The following ADGRG4 variants were observed in gnomAD, a reference collection of about 807,000 sequenced individuals.
The protein encoded by ADGRG4 is adhesion G protein-coupled receptor G4, also known as G protein-coupled receptor 112.
A neutral mutation model predicts 126.2 loss-of-function variants in ADGRG4; 122 were observed. The ratio of observed to expected loss-of-function variants is 0.97; its 90% CI spans 0.83 to 1.12. The LOEUF is 1.12. Ranked by LOEUF, ADGRG4 falls within the 50% of genes most tolerant of loss-of-function variation. The probability of loss-of-function intolerance (pLI) is 0.00; values close to 1 mark genes in which losing one functional copy is unlikely to be tolerated. For synonymous variants in ADGRG4, 943 were observed against 838.7 expected (o/e 1.12, Z -2.15); for missense variants, 2,481 against 2,251.8 (o/e 1.10, Z -2.06).
chrX:136,403,113 A>T (rs951083689), intron 21 of ADGRG4, 131 bp from the exon 22 acceptor site: 21 of 472,520 alleles, frequency 4.4e-5, no homozygotes, highest in Non-Finnish European at 7.8e-5. Context: ...TTTTGCAAAC[A>T]ATAGTATTTT....
At chrX:136,311,985 C>A (rs1326879008) in intron 4 of ADGRG4, among the ~76,000 whole-genome samples, 1 of 111,453 alleles carries the variant, frequency 9.0e-6, no homozygotes, top group Non-Finnish European at 1.9e-5. Context: ...GCATGTCCCA[C>A]CCTGCCTGGT....
chrX:136,332,502 G>T (rs1249097321), intron 5 of ADGRG4, among the ~76,000 whole-genome samples: 61 of 106,017 alleles, frequency 5.8e-4, no homozygotes, highest in African/African-American at 2.0e-3. Flanking sequence ...ATGATTTATA[G>T]TCCTTTGGGT....
intron 5 of ADGRG4, among the ~76,000 whole-genome samples, chrX:136,341,998 A>G (rs1185854489): frequency 4.5e-5 from 5 of 111,955 alleles, no homozygotes; most frequent in Non-Finnish European, 1.9e-5. Flanking sequence ...TCAATTGGAG[A>G]AAGATCATGA....
intron 16 of ADGRG4, among the ~76,000 whole-genome samples, chrX:136,388,842 A>G (rs921386142): frequency 2.7e-5 from 3 of 112,191 alleles, no homozygotes; most frequent in African/African-American, 9.7e-5. Flanking sequence ...AAGGCCACAT[A>G]CCTAAAAAGT....
chrX:136,313,009 A>G (rs1449795970), intron 4 of ADGRG4, among the ~76,000 whole-genome samples: 1 of 112,631 alleles, frequency 8.9e-6, no homozygotes, highest in East Asian at 2.8e-4. Context: ...TTATTGCTGA[A>G]CAATATTCAA....
chrX:136,317,592 A>G (rs1242840008), intron 4 of ADGRG4, among the ~76,000 whole-genome samples: 1 of 111,001 alleles, frequency 9.0e-6, no homozygotes, highest in Non-Finnish European at 1.9e-5. Flanking sequence ...GATACATTGA[A>G]TTTCATTAAA....
chrX:136,387,978 C>T, intron 16 of ADGRG4, 104 bp downstream of exon 16: 1 of 761,725 alleles, frequency 1.3e-6, no homozygotes, highest in Non-Finnish European at 1.9e-6. Flanking sequence ...TTAGAATATG[C>T]TGATTGATTC....
chrX:136,368,521 C>G (rs765127184), intron 13 of ADGRG4, among the ~76,000 whole-genome samples: 2 of 111,842 alleles, frequency 1.8e-5, no homozygotes, highest in African/African-American at 6.5e-5. Flanking sequence ...GAGCCAGACA[C>G]CATGCTGTAA....
Position 136,345,375 on chromosome X carries a change from T to C in ADGRG4, c.1669T>C (p.Phe557Leu). Residue 557 changes from phenylalanine to leucine, a missense_variant, in exon 6 of 26, where the codon TTT (phenylalanine) becomes CTT (leucine). Coordinates refer to ENST00000394143, the MANE Select transcript of ADGRG4 (RefSeq NM_153834.4). The part of the protein sequence containing the change: ...SMSKETSSKT[F>L]SFLTSFSFTG... ...GTCGAAAGAGACCTCCTCTAAGACC[T>C]TTTCTTTCTTAACATCCTTTTCATT... 8.3e-7 allele frequency: 1 copy of C among 1,210,107 alleles called. No homozygotes were observed. Among genetic ancestry groups the C allele is most frequent in the Non-Finnish European group, 1.1e-6 (1 of 894,336 alleles).
chrX:136,342,046 G>T (rs2074982055), intron 5 of ADGRG4, among the ~76,000 whole-genome samples: 1 of 111,701 alleles, frequency 9.0e-6, no homozygotes, highest in Non-Finnish European at 1.9e-5. Context: ...TTTTCACTTG[G>T]ATATTCACTA....
intron 25 of ADGRG4, among the ~76,000 whole-genome samples, chrX:136,415,507 A>G (rs1466335190): frequency 9.0e-6 from 1 of 111,527 alleles, no homozygotes; most frequent in Admixed American, 9.5e-5. Context: ...GGGCTGGTTG[A>G]CTAGTGTATA....
At chrX:136,363,867 C>T (rs947351073) in intron 13 of ADGRG4, among the ~76,000 whole-genome samples, 7 of 111,051 alleles carry the variant, frequency 6.3e-5, no homozygotes, top group Non-Finnish European at 1.1e-4. Context: ...TGGAGTGCAA[C>T]GGCGCAATCT....
intron 11 of ADGRG4, 21 bp from the exon 12 acceptor site, chrX:136,361,434 G>A (rs1324808982): frequency 6.4e-6 from 7 of 1,101,845 alleles, no homozygotes; most frequent in Non-Finnish European, 8.4e-6. Context: ...CCTTTAAAAT[G>A]TGCATACATT....
At chrX:136,342,539 G>T (rs1394592572) in intron 5 of ADGRG4, among the ~76,000 whole-genome samples, 3 of 111,529 alleles carry the variant, frequency 2.7e-5, no homozygotes, top group African/African-American at 9.8e-5. Flanking sequence ...AAAATAGATT[G>T]GTGTGAGCTA....
intron 5 of ADGRG4, among the ~76,000 whole-genome samples, chrX:136,333,451 A>T (rs189336613): frequency 1.8e-5 from 2 of 111,170 alleles, no homozygotes; most frequent in Non-Finnish European, 3.8e-5. Flanking sequence ...TGTTGGGTAT[A>T]TCTTTTGCAA....
In ADGRG4 at chrX:136,393,626, C is replaced by A. The variant is rs762319106; in HGVS notation, c.8080+46C>A. The A allele has an allele frequency of 1.8e-5, 18 of 1,021,445 alleles. No homozygotes were observed. The South Asian group carries it at 3.6e-4, about 20-fold the overall frequency. The allele number at this position is 1,021,445 out of a possible 1,213,427, so 84.2% of individuals were successfully genotyped here. A position where few individuals can be genotyped will look rare whatever the true frequency, so the allele number is the denominator to read the frequency against. On this transcript the variant is annotated intron_variant, in intron 18 of 25. Transcript: ENST00000394143. The stretch of plus-strand genomic sequence containing the variant: ...CTTTGACTTTGCCCCAGACCATTTT[C>A]CCACTTGGCAGTTAAATGGGAGGGG...
At chrX:136,335,991 C>T (rs2074946316) in intron 5 of ADGRG4, among the ~76,000 whole-genome samples, 1 of 110,020 alleles carries the variant, frequency 9.1e-6, no homozygotes, top group African/African-American at 3.3e-5. Flanking sequence ...TAAATGTATG[C>T]ATTTAGTGCT....
chrX:136,368,046 G>A (rs182895809), intron 13 of ADGRG4, among the ~76,000 whole-genome samples: 1 of 111,696 alleles, frequency 9.0e-6, no homozygotes, highest in East Asian at 2.8e-4. Flanking sequence ...GTGCTTAAGA[G>A]AAAACAGTGG....
intron 11 of ADGRG4, 79 bp downstream of exon 11, chrX:136,359,534 G>C (rs949559576): frequency 1.3e-6 from 1 of 778,304 alleles, no homozygotes; most frequent in East Asian, 3.5e-5. Flanking sequence ...ACTTGGTTAA[G>C]GATTCTGAGT....
Sources: gnomAD v4.1 joint callset for allele counts (sites outside exome capture counted in the v4.1 genomes callset) on GRCh38, gnomAD v4.1.1 for gene constraint, MANE v1.5 for transcripts, NCBI Gene and HGNC (gene_info 2026-07-23, HGNC 2026-07-21) for gene names.